NEK8: variants seen among roughly 807,000 people sequenced by gnomAD.
NEK8 encodes the protein NIMA related kinase 8.
NEK8 carries 51 observed loss-of-function variants against 77.2 expected under a neutral mutation model. The ratio of observed to expected loss-of-function variants is 0.66; its 90% CI spans 0.53 to 0.83. The LOEUF (loss-of-function observed/expected upper bound fraction) is 0.83, where lower values mean the gene tolerates loss of function less well. Among genes scored for constraint, NEK8 ranks in the 40% least tolerant of loss-of-function variants. The probability of loss-of-function intolerance (pLI) is 0.00; values close to 1 mark genes in which losing one functional copy is unlikely to be tolerated. For missense variants in NEK8, 787 were observed against 909.2 expected (o/e 0.87, Z 1.73); for synonymous variants, 365 against 363.2 (o/e 1.00, Z -0.06).
rs751173412 is a variant in NEK8, at chr17:28,741,921, C to T, written c.2051-38C>T. 2.5e-6 allele frequency: 4 copies of T among 1,612,106 alleles called. No homozygotes were observed. The highest frequency in any genetic ancestry group is 3.4e-6 in the Non-Finnish European group (4 of 1,178,276). ...GGTGATGATTTCTGGAGGCACTGCCCTCAGAAGCTGCAAGGGTTTCTCTTC... is the reference window on the plus strand; with the variant it reads ...GGTGATGATTTCTGGAGGCACTGCCTTCAGAAGCTGCAAGGGTTTCTCTTC... On this transcript the variant is annotated intron_variant, in intron 14 of 14. Transcript: ENST00000268766. This position sits in a 1 kb window ranked among gnomAD's most constrained non-coding sequence, Gnocchi z 4.5.
chr17:28,739,171 G>C lies in NEK8; in HGVS notation c.1387G>C (p.Glu463Gln), dbSNP rs745751512. 1 of 1,614,098 alleles carries C rather than the reference G, an allele frequency of 6.2e-7. No homozygotes were observed. Among genetic ancestry groups the C allele is most frequent in the South Asian group, 1.1e-5 (1 of 91,090 alleles). ...SHVLALSTERELFAWGRGDSG... is the reference protein window; with the variant it reads ...SHVLALSTERQLFAWGRGDSG... ...CGTGCTGGCCCTGTCCACTGAGCGA[G>C]AACTATTTGCCTGGGGCCGTGGAGA... Residue 463 changes from glutamate (E) to glutamine (Q), a missense_variant, in exon 10 of 15, where the codon GAA becomes CAA. Around this residue, in one of 2 missense-constraint regions of NEK8, gnomAD observed 516 missense variants for 544.0 expected, o/e 0.95. Coordinates refer to ENST00000268766, the MANE Select transcript of NEK8 (RefSeq NM_178170.3).
Position 28,742,330 on chromosome 17 carries a change from A to G in NEK8, c.*343A>G. ...TGAAGGCAGCCGGGCGCAGTGGCTC[A>G]CGCCTGTAATCCCAGCACTTTGGGA... On this transcript the variant is annotated 3_prime_UTR_variant, in exon 15 of 15. Coordinates refer to ENST00000268766, the MANE Select transcript of NEK8 (RefSeq NM_178170.3). 2.4e-6 allele frequency: 1 copy of G among 416,080 alleles called. No individual in the cohort carries two copies. 25.8% of individuals were successfully genotyped at this position (416,080 alleles called of 1,614,324 possible).
chr17:28,735,675 A>G (rs1405904385), intron 4 of NEK8, among the ~76,000 whole-genome samples: 2 of 152,046 alleles, frequency 1.3e-5, no homozygotes, highest in Admixed American at 1.3e-4. Flanking sequence ...CTCCCCTATC[A>G]GACTAGGGAT....
chr17:28,729,532 ATTTTTTTTTTTTTTTT>A (rs10523946), intron 1 of NEK8, among the ~76,000 whole-genome samples: 2 of 98,350 alleles, frequency 2.0e-5, no homozygotes, highest in Non-Finnish European at 3.8e-5. Flanking sequence ...AATTTTTTGG[ATTTTTTTTTTTTTTTT>A]TTTTTTTTGA....
chr17:28,733,581 C>A (rs900351006), intron 1 of NEK8, among the ~76,000 whole-genome samples: 5 of 152,210 alleles, frequency 3.3e-5, no homozygotes, highest in Admixed American at 6.5e-5. Flanking sequence ...TGAGCGTTTT[C>A]TTTGTGCTGG....
In NEK8 at chr17:28,737,951, G is replaced by A. The variant is rs765364445; in HGVS notation, c.1022G>A (p.Arg341His). 3.5e-5 allele frequency: 56 copies of A among 1,612,538 alleles called. No individual in the cohort carries two copies. Among genetic ancestry groups the A allele is most frequent in the South Asian group, 4.4e-5 (4 of 91,054 alleles). Reference protein sequence around the residue: ...NTEVVQVAAGRTQKAGVTRSG... With the variant: ...NTEVVQVAAGHTQKAGVTRSG... ...GAGGTGGTCCAGGTGGCAGCTGGGC[G>A]CACGCAGAAAGCCGGCGTCACGCGC... Residue 341 changes from arginine (R) to histidine (H), a missense_variant, in exon 7 of 15, where the codon CGC becomes CAC. By Grantham distance (29) the Arg-to-His change is conservative. Transcript: ENST00000268766. The surrounding 1 kb of genome is among the most constrained non-coding windows in gnomAD (Gnocchi z 4.8).
intron 1 of NEK8, among the ~76,000 whole-genome samples, chr17:28,729,954 G>A (rs1355984887): frequency 1.3e-5 from 2 of 152,284 alleles, no homozygotes; most frequent in South Asian, 4.1e-4. Flanking sequence ...TCTCACATGG[G>A]AAAACAGAGC....
Position 28,728,870 on chromosome 17 carries a change from G to A in NEK8, c.47+10G>A. ...GGAGAGGTGCCTTCGGGTGAGCCAG[G>A]GCTCTGGGGGAGGAAACTGCTAGGG... On this transcript the variant is annotated intron_variant, in intron 1 of 14. Transcript: ENST00000268766. 1.3e-6 allele frequency: 2 copies of A among 1,549,092 alleles called. No individual in the cohort carries two copies. Among genetic ancestry groups the A allele is most frequent in the Non-Finnish European group, 1.7e-6 (2 of 1,144,686 alleles).
Position 28,741,586 on chromosome 17 carries a change from T to A in NEK8, c.2050+15T>A, listed in dbSNP as rs772144907. On this transcript the variant is annotated intron_variant, in intron 14 of 14. Coordinates refer to ENST00000268766, the MANE Select transcript of NEK8 (RefSeq NM_178170.3). This position sits in a 1 kb window ranked among gnomAD's most constrained non-coding sequence, Gnocchi z 4.5. ...GGCTGTTCGATGTGAGTTGTAACTT[T>A]TCCCACTTCACCACACAGCCCAGCT... 1.2e-6 allele frequency: 2 copies of A among 1,613,912 alleles called. No individual in the cohort carries two copies. The highest frequency in any genetic ancestry group is 1.7e-6 in the Non-Finnish European group (2 of 1,179,964).
intron 1 of NEK8, among the ~76,000 whole-genome samples, chr17:28,729,178 T>C (rs2034281251): frequency 6.6e-6 from 1 of 152,290 alleles, no homozygotes; most frequent in African/African-American, 2.4e-5. Flanking sequence ...GCGTGGTCTT[T>C]TCCCTCTTGG....
At position 28,734,994 on chromosome 17, in the gene NEK8, A is replaced by G. The variant is rs2034348740; in HGVS notation, c.476A>G (p.Lys159Arg). 6.2e-7 allele frequency: 1 copy of G among 1,611,350 alleles called. No homozygotes were observed. ...GISKILSSKSKAYTVVGTPCY... is the reference protein window; with the variant it reads ...GISKILSSKSRAYTVVGTPCY... The stretch of plus-strand genomic sequence containing the variant: ...TCCAAGATCCTTAGCAGCAAGAGCA[A>G]GGCCTACACGGTGCCTGGGCATGGA... The change falls in exon 3 of 15, where the codon AAG (lysine) becomes AGG (arginine). Residue 159 changes from lysine to arginine, a missense_variant. By Grantham distance (26) the Lys-to-Arg change is conservative. This residue lies in a region of NEK8 where 271 missense variants were observed against 365.1 expected (regional missense o/e 0.74). Transcript: ENST00000268766.
Position 28,741,917 on chromosome 17 carries a change from T to C in NEK8, c.2051-42T>C. On this transcript the variant is annotated intron_variant, in intron 14 of 14. Transcript: ENST00000268766. The surrounding 1 kb of genome is among the most constrained non-coding windows in gnomAD (Gnocchi z 4.5). ...GGTGGGTGATGATTTCTGGAGGCAC[T>C]GCCCTCAGAAGCTGCAAGGGTTTCT... 6.2e-7 allele frequency: 1 copy of C among 1,612,000 alleles called. No individual in the cohort carries two copies. Among genetic ancestry groups the C allele is most frequent in the Non-Finnish European group, 8.5e-7 (1 of 1,178,076 alleles).
In NEK8 at chr17:28,734,944, C is replaced by T. The variant is rs539805517; in HGVS notation, c.426C>T (p.Val142=). 20 of 1,613,626 alleles carry T rather than the reference C, an allele frequency of 1.2e-5. No homozygotes were observed. Among genetic ancestry groups the T allele is most frequent in the East Asian group, 8.9e-5 (4 of 44,864 alleles). ...QNILLDKHRM[V]VKIGDFGISK... Reference sequence around the variant, plus strand: ...TCCTGCTTGACAAACACCGCATGGTCGTCAAGATCGGTGATTTCGGCATCT... The same window carrying T: ...TCCTGCTTGACAAACACCGCATGGTTGTCAAGATCGGTGATTTCGGCATCT... Residue 142 remains valine (V), a synonymous_variant, in exon 3 of 15, where the codon GTC becomes GTT. Coordinates refer to ENST00000268766, the MANE Select transcript of NEK8 (RefSeq NM_178170.3).
chr17:28,730,316 GT>G (rs2034294819), intron 1 of NEK8, among the ~76,000 whole-genome samples: 1 of 121,698 alleles, frequency 8.2e-6, no homozygotes, highest in Admixed American at 9.6e-5. Context: ...GTGAGACAGA[GT>G]CTCCTCTGTT....
intron 1 of NEK8, among the ~76,000 whole-genome samples, chr17:28,729,860 A>C (rs1388498777): frequency 6.6e-6 from 1 of 152,062 alleles, no homozygotes; most frequent in African/African-American, 2.4e-5. Context: ...GTGAGATTTA[A>C]GGCCAAGACT....
chr17:28,740,932 A>T lies in NEK8; in HGVS notation c.1679A>T (p.Gln560Leu), dbSNP rs781386020. Reference protein sequence around the residue: ...FTLLGSAPLDQEPLLSIDLGT... With the variant: ...FTLLGSAPLDLEPLLSIDLGT... ...CTACTAGGCTCTGCACCCCTGGACC[A>T]GGAGCCTCTGCTGAGTATAGACCTG... is the stretch of plus-strand genomic sequence containing the variant. The change falls in exon 12 of 15, where the codon CAG becomes CTG. Residue 560 changes from glutamine (Q) to leucine (L), a missense_variant. Physicochemically the swap from Gln to Leu is moderately radical, Grantham distance 113. This residue lies in a region of NEK8 where 516 missense variants were observed against 544.0 expected (regional missense o/e 0.95). Transcript: ENST00000268766. The surrounding 1 kb of genome is among the most constrained non-coding windows in gnomAD (Gnocchi z 4.7). The T allele has an allele frequency of 6.2e-7, 1 of 1,614,144 alleles. No individual in the cohort carries two copies. Among genetic ancestry groups the T allele is most frequent in the South Asian group, 1.1e-5 (1 of 91,088 alleles).
chr17:28,732,545 CTTTTTTTTTTTT>C (rs1054257308), intron 1 of NEK8, among the ~76,000 whole-genome samples: 24 of 77,912 alleles, frequency 3.1e-4, no homozygotes, highest in African/African-American at 5.4e-4. Flanking sequence ...TTTTTCTTTT[CTTTTTTTTTTTT>C]TTTTTTTTTT....
chr17:28,737,307 A>G lies in NEK8; in HGVS notation c.620A>G (p.Asn207Ser). 6.2e-7 allele frequency: 1 copy of G among 1,610,522 alleles called. No homozygotes were observed. Among genetic ancestry groups the G allele is most frequent in the Non-Finnish European group, 8.5e-7 (1 of 1,178,544 alleles). Reference sequence around the variant, plus strand: ...ATTCTCAACCTGGTGCCTTCACAGAACTTGCCAGCACTGGTGCTGAAGATC... The same window carrying G: ...ATTCTCAACCTGGTGCCTTCACAGAGCTTGCCAGCACTGGTGCTGAAGATC... ...ASLKRAFEAA[N>S]LPALVLKIMS... Residue 207 changes from asparagine to serine, a missense_variant and splice_region_variant, in exon 5 of 15, where the codon AAC (asparagine) becomes AGC (serine). Transcript: ENST00000268766. This position sits in a 1 kb window ranked among gnomAD's most constrained non-coding sequence, Gnocchi z 4.8.
At chr17:28,734,379 G>A in intron 2 of NEK8, 191 bp downstream of exon 2, 1 of 630,012 alleles carries the variant, frequency 1.6e-6, no homozygotes, top group South Asian at 1.9e-5. Flanking sequence ...TAAAAGGAGA[G>A]GGGTTGTTGG....
Sources: gnomAD v4.1 joint callset for allele counts (sites outside exome capture counted in the v4.1 genomes callset) on GRCh38, gnomAD v4.1.1 for gene constraint, gnomAD v4.1.1 regional missense constraint, Gnocchi (gnomAD v3.1) non-coding constraint, MANE v1.5 for transcripts, NCBI Gene and HGNC (gene_info 2026-07-23, HGNC 2026-07-21) for gene names.